Variants in NEAT1 observed in about 807,000 individuals in gnomAD.
The protein encoded by NEAT1 is MENepsilon/beta.
At chr11:65,429,497 CGTGTGTGTGTGTGT>C (rs35026443) in exon 1 of NEAT1, 11 of 146,910 alleles carry the variant, frequency 7.5e-5, no homozygotes, top group Non-Finnish European at 1.6e-4. Context: ...TGTGTGTGTG[CGTGTGTGTGTGTGT>C]GTGTGTGTAT....
At chr11:65,424,791 G>GT in exon 1 of NEAT1, 1 of 152,214 alleles carries the variant, frequency 6.6e-6, no homozygotes, top group Non-Finnish European at 1.5e-5. Context: ...TTCTTGCTTC[G>GT]TTTTTTTAAA....
exon 1 of NEAT1, chr11:65,438,180 G>A (rs1378961549): frequency 6.6e-6 from 1 of 152,164 alleles, no homozygotes; most frequent in East Asian, 1.9e-4. Flanking sequence ...CTGGACCCTG[G>A]GCACTGGACA....
chr11:65,424,818 T>C (rs1856544429), exon 1 of NEAT1: 1 of 152,168 alleles, frequency 6.6e-6, no homozygotes, highest in South Asian at 2.1e-4. Flanking sequence ...CTTTACTTCG[T>C]TAGATTTCAT....
chr11:65,436,113 G>A (rs1360074741), exon 1 of NEAT1: 1 of 152,240 alleles, frequency 6.6e-6, no homozygotes, highest in Non-Finnish European at 1.5e-5. Context: ...GAGCTCAGGT[G>A]TGAGCCCGGC....
rs538957626 is a variant in NEAT1, at chr11:65,425,424, T to C, written n.2627T>C. Reference sequence around the variant, plus strand: ...TGTTTTGTTTGGGGTGTGGGTGTTATCAAGTGAATTAGTCACTTGAAAGAT... The same window carrying C: ...TGTTTTGTTTGGGGTGTGGGTGTTACCAAGTGAATTAGTCACTTGAAAGAT... On this transcript the variant is annotated non_coding_transcript_exon_variant, in exon 1 of 1. Transcript: ENST00000501122. The C allele has an allele frequency of 1.5e-3, 223 of 152,260 alleles. 1 individual carries two copies. The highest frequency in any genetic ancestry group is 5.0e-3 in the African/African-American group (207 of 41,528). The allele number at this position is 152,260 out of a possible 1,614,324, so 9.4% of individuals were successfully genotyped here. A position where few individuals can be genotyped will look rare whatever the true frequency, so the allele number is the denominator to read the frequency against.
At chr11:65,426,715 G>C (rs748543733) in exon 1 of NEAT1, 1 of 152,220 alleles carries the variant, frequency 6.6e-6, no homozygotes, top group Non-Finnish European at 1.5e-5. Context: ...GCAGACTGCT[G>C]AGTGGGGATG....
chr11:65,436,893 G>A (rs1421645980), exon 1 of NEAT1: 3 of 152,096 alleles, frequency 2.0e-5, no homozygotes, highest in African/African-American at 7.2e-5. Context: ...GGCACAGCAT[G>A]TGTAAATTTC....
exon 1 of NEAT1, chr11:65,438,850 C>T (rs1856689075): frequency 6.6e-6 from 1 of 152,170 alleles, no homozygotes; most frequent in African/African-American, 2.4e-5. Flanking sequence ...GTGCTATGAA[C>T]AGTTGCGTAC....
chr11:65,429,560 T>C, exon 1 of NEAT1: 1 of 152,088 alleles, frequency 6.6e-6, no homozygotes, highest in Non-Finnish European at 1.5e-5. Context: ...TTGATTGTTT[T>C]GCAAAAGCCA....
exon 1 of NEAT1, chr11:65,434,547 GAGTTT>G (rs1856641030): frequency 6.6e-6 from 1 of 152,156 alleles, no homozygotes; most frequent in Non-Finnish European, 1.5e-5. Flanking sequence ...GTATGTCTGT[GAGTTT>G]AGCCATTCTG....
exon 1 of NEAT1, chr11:65,424,877 G>A (rs1856545241): frequency 6.6e-6 from 1 of 152,130 alleles, no homozygotes; most frequent in Non-Finnish European, 1.5e-5. Flanking sequence ...GGGAGTTGTG[G>A]GGGACGGGGA....
exon 1 of NEAT1, chr11:65,425,893 A>T (rs374617595): frequency 1.3e-5 from 2 of 152,298 alleles, no homozygotes; most frequent in East Asian, 3.9e-4. Flanking sequence ...GACAGAATCC[A>T]TGTACCTTTG....
exon 1 of NEAT1, chr11:65,426,035 G>A (rs1475705926): frequency 6.6e-6 from 1 of 152,162 alleles, no homozygotes; most frequent in Non-Finnish European, 1.5e-5. Flanking sequence ...GAAGGGGATG[G>A]GGATTGTGGG....
exon 1 of NEAT1, chr11:65,423,270 A>T (rs540071809): frequency 1.3e-5 from 2 of 152,522 alleles, no homozygotes; most frequent in African/African-American, 2.4e-5. Context: ...CAACTTGTCC[A>T]TGCCAGCAGC....
At chr11:65,427,761 C>CT (rs1856576134) in exon 1 of NEAT1, 2 of 152,230 alleles carry the variant, frequency 1.3e-5, no homozygotes, top group Non-Finnish European at 2.9e-5. Context: ...GCCTTCTCTT[C>CT]TTTTCAGAAC....
At chr11:65,439,204 G>A (rs527536357) in exon 1 of NEAT1, 1 of 152,238 alleles carries the variant, frequency 6.6e-6, no homozygotes, top group East Asian at 1.9e-4. Context: ...TCTGTGCTGA[G>A]CCTTGGCCCA....
exon 1 of NEAT1, chr11:65,435,005 T>C (rs941978459): frequency 3.3e-5 from 5 of 152,208 alleles, no homozygotes; most frequent in African/African-American, 1.2e-4. Flanking sequence ...CAAGGTATAA[T>C]TTTTTAAATT....
At chr11:65,436,797 G>A (rs1323677379) in exon 1 of NEAT1, 4 of 152,102 alleles carry the variant, frequency 2.6e-5, no homozygotes, top group Admixed American at 2.6e-4. Context: ...TGTAGATAAG[G>A]CTATACCGCA....
exon 1 of NEAT1, chr11:65,434,288 C>T (rs904326418): frequency 1.3e-5 from 2 of 152,140 alleles, no homozygotes; most frequent in Admixed American, 6.5e-5. Flanking sequence ...ACGACAACAA[C>T]GTTGGCACTA....
Sources: allele counts gnomAD v4.1 joint callset, GRCh38; gene constraint gnomAD v4.1.1; transcripts MANE v1.5; gene names NCBI Gene and HGNC (gene_info 2026-07-23, HGNC 2026-07-21).